Variants in UNC13C observed in about 807,000 individuals in gnomAD.
The protein encoded by UNC13C is unc-13 homolog C.
A neutral mutation model predicts 245.4 loss-of-function variants in UNC13C; 174 were observed. The ratio of observed to expected loss-of-function variants is 0.71; its 90% CI spans 0.63 to 0.80. UNC13C has a LOEUF of 0.80. Among genes scored for constraint, UNC13C ranks in the 30% least tolerant of loss-of-function variants. The pLI is 0.00. For synonymous variants in UNC13C, 992 were observed against 895.1 expected, an observed-to-expected ratio of 1.11 and a Z score of -1.93; for missense variants, 2,829 against 2,602.9, an observed-to-expected ratio of 1.09 and a Z score of -1.89.
chr15:54,373,672 C>G (rs1250787099), intron 17 of UNC13C, among the ~76,000 whole-genome samples: 1 of 152,176 alleles, frequency 6.6e-6, no homozygotes, highest in East Asian at 1.9e-4. Flanking sequence ...GGCTTGGGAG[C>G]TTCTAGTCTG....
At chr15:54,448,401 G>C (rs975082473) in intron 19 of UNC13C, among the ~76,000 whole-genome samples, 4 of 152,064 alleles carry the variant, frequency 2.6e-5, no homozygotes, top group Admixed American at 2.0e-4. Context: ...ATTATTGTTT[G>C]GGAGTCTAAG....
chr15:54,374,317 A>T (rs373936628), intron 17 of UNC13C, among the ~76,000 whole-genome samples: 1 of 152,124 alleles, frequency 6.6e-6, no homozygotes, highest in Non-Finnish European at 1.5e-5. Flanking sequence ...TCAGCCTGTC[A>T]GCCCAGGTGC....
chr15:54,445,414 A>G (rs780733898), intron 19 of UNC13C, among the ~76,000 whole-genome samples: 7 of 152,130 alleles, frequency 4.6e-5, no homozygotes, highest in Non-Finnish European at 1.0e-4. Flanking sequence ...TTACAGTCCC[A>G]CCAATGGTGT....
intron 2 of UNC13C, among the ~76,000 whole-genome samples, chr15:54,105,433 A>C (rs922658046): frequency 6.6e-6 from 1 of 152,166 alleles, no homozygotes. Flanking sequence ...AACTGCCCAC[A>C]TTAGACCCTT....
At chr15:54,380,373 T>G (rs116133051) in intron 17 of UNC13C, among the ~76,000 whole-genome samples, 21 of 152,222 alleles carry the variant, frequency 1.4e-4, no homozygotes, top group Non-Finnish European at 3.1e-4. Flanking sequence ...CACTCATTCA[T>G]TGATAGCTAC....
In UNC13C at chr15:54,090,543, G is replaced by A. The variant is rs112181148; in HGVS notation, c.2984-52475G>A. On this transcript the variant is annotated intron_variant, in intron 2 of 32. Coordinates refer to ENST00000260323, the MANE Select transcript of UNC13C (RefSeq NM_001080534.3). ...CTACTTACATTTAGAAAGTGGCAAC[G>A]TCAAGATTCAAATCCATACATTCTG... Among the ~76,000 whole-genome samples the A allele has an allele frequency of 5.6e-3, 859 of 152,270 alleles. 13 individuals are homozygous for A. Among genetic ancestry groups the A allele is most frequent in the African/African-American group, 0.02 (814 of 41,546 alleles).
intron 10 of UNC13C, among the ~76,000 whole-genome samples, chr15:54,270,063 C>A (rs2036646121): frequency 6.6e-6 from 1 of 152,054 alleles, no homozygotes. Flanking sequence ...CATCAGTTTC[C>A]TGAATTCTGA....
intron 26 of UNC13C, among the ~76,000 whole-genome samples, chr15:54,542,437 A>C (rs1401780851): frequency 6.6e-6 from 1 of 152,086 alleles, no homozygotes; most frequent in Non-Finnish European, 1.5e-5. Context: ...TCAATTTTAG[A>C]ATAAGTGCAA....
At chr15:54,108,550 G>A (rs1255801949) in intron 2 of UNC13C, among the ~76,000 whole-genome samples, 1 of 152,062 alleles carries the variant, frequency 6.6e-6, no homozygotes, top group Non-Finnish European at 1.5e-5. Context: ...AAAATAGCTT[G>A]TAAAATAATC....
intron 2 of UNC13C, among the ~76,000 whole-genome samples, chr15:54,025,277 G>A (rs950888502): frequency 1.3e-5 from 2 of 152,042 alleles, no homozygotes; most frequent in Admixed American, 6.5e-5. Context: ...TTTGTTATGC[G>A]TGTATGTGTT....
At chr15:54,117,844 G>A (rs1187598271) in intron 2 of UNC13C, among the ~76,000 whole-genome samples, 1 of 152,106 alleles carries the variant, frequency 6.6e-6, no homozygotes, top group Non-Finnish European at 1.5e-5. Context: ...GCCTCCCAAA[G>A]TGCTGAGGTT....
At chr15:54,095,081 C>T (rs1899781140) in intron 2 of UNC13C, among the ~76,000 whole-genome samples, 2 of 152,188 alleles carry the variant, frequency 1.3e-5, no homozygotes, top group Admixed American at 1.3e-4. Context: ...AAATAATGCA[C>T]ATCATTTGTC....
chr15:54,383,719 T>C (rs1459301817), intron 17 of UNC13C, among the ~76,000 whole-genome samples: 2 of 151,716 alleles, frequency 1.3e-5, no homozygotes, highest in African/African-American at 4.8e-5. Flanking sequence ...TAGAAGAGAG[T>C]CAAACTGTCC....
chr15:54,072,661 A>G (rs1468792347), intron 2 of UNC13C, among the ~76,000 whole-genome samples: 1 of 152,208 alleles, frequency 6.6e-6, no homozygotes, highest in Non-Finnish European at 1.5e-5. Flanking sequence ...AGGCAGAGAT[A>G]AGATGGGAAA....
At chr15:54,622,272 G>C (rs780841857) in intron 30 of UNC13C, 55 bp from the exon 31 acceptor site, 1 of 1,162,824 alleles carries the variant, frequency 8.6e-7, no homozygotes, top group Non-Finnish European at 1.3e-6. Flanking sequence ...GAATGAAATT[G>C]TCCATTATTA....
At chr15:54,632,561 G>C (rs1215472846), downstream of UNC13C, 2 of 152,158 alleles carry the variant, frequency 1.3e-5, no homozygotes, top group Admixed American at 6.5e-5. Context: ...TTACAATTGA[G>C]TAATTAATTA....
intron 4 of UNC13C, among the ~76,000 whole-genome samples, chr15:54,209,826 C>G (rs544195648): frequency 2.4e-4 from 36 of 152,192 alleles, no homozygotes; most frequent in Non-Finnish European, 2.8e-4. Flanking sequence ...ATCCAACAAA[C>G]TAGTGCAACT....
At chr15:54,277,850 G>A (rs1420670846) in intron 10 of UNC13C, among the ~76,000 whole-genome samples, 2 of 152,086 alleles carry the variant, frequency 1.3e-5, no homozygotes, top group East Asian at 3.9e-4. Context: ...GAGTAATGTT[G>A]TAGAAAAAAA....
In UNC13C at chr15:54,500,843, G is replaced by A; in HGVS notation, c.5166G>A (p.Gln1722=). 1.2e-6 allele frequency: 2 copies of A among 1,612,658 alleles called. No individual in the cohort carries two copies. The highest frequency in any genetic ancestry group is 1.7e-6 in the Non-Finnish European group (2 of 1,179,118). The change falls in exon 22 of 33, where the codon CAG becomes CAA. Residue 1722 remains glutamine, a synonymous_variant. Transcript: ENST00000260323. ...LGRDKKDGFQ[Q]TSEHALFSCS... ...ACCTCCTCTCCCCACAGTTCCAGCA[G>A]ACATCTGAGCATGCTCTCTTTTCTT... is the stretch of plus-strand genomic sequence containing the variant.
Sources: gnomAD v4.1 joint callset for allele counts (sites outside exome capture counted in the v4.1 genomes callset) on GRCh38, gnomAD v4.1.1 for gene constraint, MANE v1.5 for transcripts, NCBI Gene and HGNC (gene_info 2026-07-23, HGNC 2026-07-21) for gene names.